The following CDC14B variants were observed in gnomAD, a reference collection of about 807,000 sequenced individuals.
CDC14B encodes dual specificity protein phosphatase CDC14B.
CDC14B carries 22 observed loss-of-function variants against 64.2 expected under a neutral mutation model. That is an observed-to-expected ratio of 0.34 (90% confidence interval 0.24 to 0.49). The LOEUF is 0.49. Ranked by LOEUF, CDC14B falls within the 20% of genes least tolerant of loss-of-function variation. The probability of loss-of-function intolerance (pLI) is 0.99; values close to 1 mark genes in which losing one functional copy is unlikely to be tolerated. For missense variants in CDC14B, 498 were observed against 629.9 expected (o/e 0.79, Z 2.24); for synonymous variants, 191 against 215.8 (o/e 0.89, Z 1.01).
chr9:96,601,755 C>T (rs1846480481), intron 1 of CDC14B, among the ~76,000 whole-genome samples: 1 of 145,394 alleles, frequency 6.9e-6, no homozygotes, highest in African/African-American at 2.6e-5. Flanking sequence ...GGGCGCACCA[C>T]TGCACTCCAG....
At chr9:96,591,633 T>C (rs1845798902) in intron 1 of CDC14B, among the ~76,000 whole-genome samples, 1 of 152,246 alleles carries the variant, frequency 6.6e-6, no homozygotes, top group African/African-American at 2.4e-5. Flanking sequence ...ATTAGGATTT[T>C]GATAGGGACT....
chr9:96,572,112 TG>T (rs1174454608), intron 1 of CDC14B, among the ~76,000 whole-genome samples: 1 of 152,088 alleles, frequency 6.6e-6, no homozygotes, highest in Non-Finnish European at 1.5e-5. Flanking sequence ...CGGAGGGTGG[TG>T]CACCCCAACT....
At chr9:96,531,607 T>C (rs973179144) in intron 9 of CDC14B, among the ~76,000 whole-genome samples, 27 of 151,908 alleles carry the variant, frequency 1.8e-4, no homozygotes, top group African/African-American at 5.1e-4. Flanking sequence ...ATTTTCTCTA[T>C]TGGTTTTCTA....
At chr9:96,509,545 G>C (rs1213003834) in intron 13 of CDC14B, 128 bp downstream of exon 13, 8 of 724,038 alleles carry the variant, frequency 1.1e-5, no homozygotes, top group African/African-American at 3.6e-5. Context: ...ATACACATTT[G>C]ATGAATTTCC....
At chr9:96,522,632 T>C (rs1379862336) in intron 11 of CDC14B, 29 bp from the exon 12 acceptor site, 4 of 1,406,860 alleles carry the variant, frequency 2.8e-6, no homozygotes, top group Non-Finnish European at 3.0e-6. Flanking sequence ...ACTGAGCTAA[T>C]GATTTAAGTT....
At chr9:96,496,405 C>G (rs775682462), downstream of CDC14B, 23 of 480,344 alleles carry the variant, frequency 4.8e-5, no homozygotes, top group Non-Finnish European at 9.1e-5. Context: ...CCACCACCAC[C>G]ACCACCACAG....
intron 5 of CDC14B, among the ~76,000 whole-genome samples, chr9:96,550,393 T>C (rs1841630204): frequency 6.6e-6 from 1 of 152,176 alleles, no homozygotes; most frequent in Non-Finnish European, 1.5e-5. Flanking sequence ...ATGGAGTAAG[T>C]CCACAGGCAG....
At chr9:96,611,385 A>C (rs541694551) in intron 1 of CDC14B, among the ~76,000 whole-genome samples, 2 of 152,320 alleles carry the variant, frequency 1.3e-5, no homozygotes, top group African/African-American at 4.8e-5. Context: ...AATCTCTTCC[A>C]TATTTGTCCT....
chr9:96,528,591 A>G (rs1424440684), intron 9 of CDC14B, among the ~76,000 whole-genome samples: 1 of 152,196 alleles, frequency 6.6e-6, no homozygotes, highest in Non-Finnish European at 1.5e-5. Flanking sequence ...ATCTGTTCAT[A>G]TCCCTGCTGT....
At chr9:96,591,906 C>T (rs1422077078) in intron 1 of CDC14B, among the ~76,000 whole-genome samples, 2 of 151,956 alleles carry the variant, frequency 1.3e-5, no homozygotes, top group Non-Finnish European at 2.9e-5. Context: ...CCAACTCGCC[C>T]GGCTAATTTT....
intron 1 of CDC14B, among the ~76,000 whole-genome samples, chr9:96,592,910 T>C (rs1159669612): frequency 6.6e-6 from 1 of 152,124 alleles, no homozygotes; most frequent in Non-Finnish European, 1.5e-5. Context: ...AAAAAAGCCA[T>C]TTGGTATTCA....
chr9:96,509,145 G>A (rs371285272), intron 13 of CDC14B, among the ~76,000 whole-genome samples: 15 of 152,286 alleles, frequency 9.8e-5, no homozygotes, highest in Non-Finnish European at 1.9e-4. Context: ...AGTCACCGAC[G>A]TGGCCACAGA....
rs753420170 is a variant in CDC14B, at chr9:96,562,804, C to A, written c.328-19G>T. 6.2e-6 allele frequency: 9 copies of A among 1,444,656 alleles called. No individual in the cohort carries two copies. The highest frequency in any genetic ancestry group is 1.4e-5 in the African/African-American group (1 of 70,872). The allele number at this position is 1,444,656 out of a possible 1,614,324, so 89.5% of individuals were successfully genotyped here. On this transcript the variant is annotated intron_variant, in intron 3 of 13. Transcript: ENST00000375241. Reference sequence around the variant, plus strand: ...TAATGGACTGCATAAAAATAAATAACTGTTAGCATTTTCTTTTTAATTTCA... The same window carrying A: ...TAATGGACTGCATAAAAATAAATAAATGTTAGCATTTTCTTTTTAATTTCA...
chr9:96,549,659 G>A (rs1345951618), intron 5 of CDC14B, among the ~76,000 whole-genome samples: 1 of 148,366 alleles, frequency 6.7e-6, no homozygotes, highest in Non-Finnish European at 1.5e-5. Context: ...GCAAGACTCC[G>A]TCTAAAAAAA....
At chr9:96,494,977 G>A (rs1833189048) in intron 13 of CDC14B, among the ~76,000 whole-genome samples, 1 of 151,670 alleles carries the variant, frequency 6.6e-6, no homozygotes, top group African/African-American at 2.4e-5. Flanking sequence ...TGGGACTACA[G>A]GTACCTGCCA....
At chr9:96,602,969 A>T in intron 1 of CDC14B, among the ~76,000 whole-genome samples, 1 of 152,156 alleles carries the variant, frequency 6.6e-6, no homozygotes, top group East Asian at 1.9e-4. Flanking sequence ...ATCTCGACTT[A>T]GAGAAGCTTG....
intron 2 of CDC14B, 84 bp downstream of exon 2, chr9:96,565,309 T>A: frequency 1.3e-6 from 1 of 795,306 alleles, no homozygotes; most frequent in South Asian, 1.7e-5. Context: ...AGATTTATAA[T>A]TTTCCCAGGC....
chr9:96,509,991 T>C lies in CDC14B; in HGVS notation c.1344-202A>G, dbSNP rs951092044. Among the ~76,000 whole-genome samples the C allele has an allele frequency of 3.3e-5, 5 of 152,180 alleles. No homozygotes were observed. The South Asian group carries it at 6.2e-4, about 19-fold the overall frequency. ...GAAGCATCTCGTTTCTCTTTGAAGGTTACACAAAGACAACCAGAGGGCTTT... is the reference window on the plus strand; with the variant it reads ...GAAGCATCTCGTTTCTCTTTGAAGGCTACACAAAGACAACCAGAGGGCTTT... On this transcript the variant is annotated intron_variant, in intron 12 of 13. Coordinates refer to ENST00000375241, the MANE Select transcript of CDC14B (RefSeq NM_033331.4).
rs1833700665 is a variant in CDC14B at position 96,503,100 on chromosome 9, G to C, written c.*653C>G. On this transcript the variant is annotated 3_prime_UTR_variant, in exon 14 of 14. Coordinates refer to ENST00000375241, the MANE Select transcript of CDC14B (RefSeq NM_033331.4). ...CTAAAGCTACCATTAATATTCTCTT[G>C]CAAGTTTTAGGTTACTAAGGTACCA... The C allele has an allele frequency of 2.6e-6, 1 of 382,696 alleles. No individual in the cohort carries two copies. The highest frequency in any genetic ancestry group is 2.1e-5 in the African/African-American group (1 of 48,236). 23.7% of individuals were successfully genotyped at this position (382,696 alleles called of 1,614,324 possible).
Sources: gnomAD v4.1 joint callset for allele counts (sites outside exome capture counted in the v4.1 genomes callset) on GRCh38, gnomAD v4.1.1 for gene constraint, MANE v1.5 for transcripts, NCBI Gene and HGNC (gene_info 2026-07-23, HGNC 2026-07-21) for gene names.